DIS3L2: variants seen among roughly 807,000 people sequenced by gnomAD.
DIS3L2 encodes DIS3-like exonuclease 2.
DIS3L2 carries 34 observed loss-of-function variants against 97.5 expected under a neutral mutation model. That is an observed-to-expected ratio of 0.35 (90% CI 0.27 to 0.46). DIS3L2 has a LOEUF of 0.46. DIS3L2 is among the 20% of genes least tolerant of loss of function. The pLI, the probability that DIS3L2 is intolerant of heterozygous loss-of-function variation, is 1.00. For missense variants in DIS3L2, 1,038 were observed against 1,146.0 expected (o/e 0.91, Z 1.36); for synonymous variants, 435 against 445.2 (o/e 0.98, Z 0.29).
intron 1 of DIS3L2, among the ~76,000 whole-genome samples, chr2:231,999,202 T>C (rs1210760969): frequency 6.6e-6 from 1 of 152,208 alleles, no homozygotes; most frequent in Non-Finnish European, 1.5e-5. Context: ...GGATGCACTA[T>C]GCATAGTTTG....
intron 9 of DIS3L2, among the ~76,000 whole-genome samples, chr2:232,174,957 G>A (rs1277866700): frequency 6.6e-6 from 1 of 151,908 alleles, no homozygotes; most frequent in Non-Finnish European, 1.5e-5. Flanking sequence ...AGCCTCTTAC[G>A]TAGCTGGGAC....
intron 8 of DIS3L2, among the ~76,000 whole-genome samples, chr2:232,149,649 A>G (rs1385713595): frequency 5.7e-5 from 5 of 86,970 alleles, no homozygotes; most frequent in Admixed American, 1.3e-4. Context: ...TAGTGCCGCA[A>G]TAAACATACG....
intron 5 of DIS3L2, among the ~76,000 whole-genome samples, chr2:232,046,171 C>A (rs575772572): frequency 6.6e-6 from 1 of 152,188 alleles, no homozygotes; most frequent in East Asian, 1.9e-4. Context: ...AGTCTCAGGT[C>A]CTTTGGGATA....
chr2:232,092,132 C>G (rs562720820), intron 6 of DIS3L2, among the ~76,000 whole-genome samples: 1 of 152,278 alleles, frequency 6.6e-6, no homozygotes, highest in South Asian at 2.1e-4. Context: ...GTTTTCTCAG[C>G]ACCATTTATT....
intron 1 of DIS3L2, among the ~76,000 whole-genome samples, chr2:231,989,825 A>G (rs1693534707): frequency 6.6e-6 from 1 of 152,186 alleles, no homozygotes. Context: ...ACAGAGTGAC[A>G]TAATGAGATC....
chr2:232,000,184 G>A (rs1343734980), intron 1 of DIS3L2, among the ~76,000 whole-genome samples: 1 of 152,060 alleles, frequency 6.6e-6, no homozygotes, highest in Admixed American at 6.5e-5. Context: ...TTGTTGTTAT[G>A]CTGTATTTTT....
chr2:232,128,256 T>G (rs1698123078), intron 6 of DIS3L2, among the ~76,000 whole-genome samples: 1 of 151,986 alleles, frequency 6.6e-6, no homozygotes, highest in Non-Finnish European at 1.5e-5. Flanking sequence ...ATGCCCACCC[T>G]ATAATTTTAT....
At chr2:231,971,242 G>A (rs1346735207) in intron 1 of DIS3L2, among the ~76,000 whole-genome samples, 5 of 150,792 alleles carry the variant, frequency 3.3e-5, no homozygotes, top group African/African-American at 9.8e-5. Context: ...ATTGTGTGTT[G>A]TCGGGGTTTG....
chr2:232,008,067 T>C (rs1386844303), intron 1 of DIS3L2, among the ~76,000 whole-genome samples: 1 of 152,136 alleles, frequency 6.6e-6, no homozygotes, highest in Non-Finnish European at 1.5e-5. Context: ...AGTTCAGCGA[T>C]GTAATCACAG....
chr2:232,273,889 G>A (rs535982995), intron 13 of DIS3L2, among the ~76,000 whole-genome samples: 1 of 152,336 alleles, frequency 6.6e-6, no homozygotes, highest in East Asian at 1.9e-4. Context: ...CCATGATGGG[G>A]ATGAAAGCGA....
rs771957730 is a variant in DIS3L2, at chr2:232,029,992, A to G, written c.278A>G (p.Asp93Gly). 1.2e-6 allele frequency: 2 copies of G among 1,601,268 alleles called. No individual in the cohort carries two copies. Among genetic ancestry groups the G allele is most frequent in the South Asian group, 2.3e-5 (2 of 88,100 alleles). ...AFIPSPDGDR[D>G]IFIDGVVARN... ...TTTCCAACCTAGGATGGTGATCGAG[A>G]CATTTTTATTGATGGGGTTGTTGCT... The change falls in exon 5 of 21, where the codon GAC becomes GGC. Residue 93 changes from aspartate to glycine, a missense_variant. Asp to Gly is a moderately conservative substitution (Grantham distance 94). Around this residue, in one of 3 missense-constraint regions of DIS3L2, gnomAD observed 813 missense variants for 880.1 expected, o/e 0.92. Transcript: ENST00000325385.
rs1188791665 is a variant in DIS3L2, at chr2:232,037,632, G to A, written c.366+7552G>A. Among the ~76,000 whole-genome samples the A allele has an allele frequency of 6.6e-6, 1 of 152,210 alleles. No homozygotes were observed. Among genetic ancestry groups the A allele is most frequent in the East Asian group, 1.9e-4 (1 of 5,198 alleles). On this transcript the variant is annotated intron_variant, in intron 5 of 20. Coordinates refer to ENST00000325385, the MANE Select transcript of DIS3L2 (RefSeq NM_152383.5). The surrounding 1 kb of genome is among the most constrained non-coding windows in gnomAD (Gnocchi z 4.6). The stretch of plus-strand genomic sequence containing the variant: ...CGGTGTCTGCCCAAACGTCTGCCCA[G>A]TTTTGTACTTGAAACCCAGGGCCCT...
At position 232,087,504 on chromosome 2, in the gene DIS3L2, C is replaced by T; in HGVS notation, c.384C>T (p.Ser128=). ...TTCTTTAGGTAGTTAAACCAGAGAG[C>T]AATGACAAAGAAACAGAAGCTGCGT... ...EEHWKVVKPE[S]NDKETEAAYE... Residue 128 remains serine (S), a synonymous_variant, in exon 6 of 21, where the codon AGC becomes AGT. Transcript: ENST00000325385. 1 of 1,612,006 alleles carries T rather than the reference C, an allele frequency of 6.2e-7. No homozygotes were observed. Among genetic ancestry groups the T allele is most frequent in the South Asian group, 1.1e-5 (1 of 90,766 alleles).
intron 1 of DIS3L2, among the ~76,000 whole-genome samples, chr2:231,986,578 T>C (rs571365619): frequency 1.5e-4 from 23 of 152,234 alleles, no homozygotes; most frequent in African/African-American, 2.2e-4. Context: ...TTCTGTGACA[T>C]TGGCATTTTT....
chr2:232,226,878 A>G (rs1692663957), intron 10 of DIS3L2, among the ~76,000 whole-genome samples: 1 of 152,128 alleles, frequency 6.6e-6, no homozygotes, highest in South Asian at 2.1e-4. Context: ...CTGAAGTGGA[A>G]GGATCACTTG....
chr2:232,128,155 C>T (rs1698118774), intron 6 of DIS3L2, among the ~76,000 whole-genome samples: 1 of 151,952 alleles, frequency 6.6e-6, no homozygotes. Flanking sequence ...AGGGTTTTGC[C>T]ATGTTGCCCA....
In DIS3L2 at chr2:232,017,527, C is replaced by G. The variant is rs116692010; in HGVS notation, c.210+1856C>G. Among the ~76,000 whole-genome samples, 427 of 152,262 alleles carry G rather than the reference C, an allele frequency of 2.8e-3. 1 individual carries two copies. The highest frequency in any genetic ancestry group is 4.7e-3 in the Non-Finnish European group (317 of 68,018). On this transcript the variant is annotated intron_variant, in intron 3 of 20. Transcript: ENST00000325385. ...ATTCATTTGCTCTTCATTGTTCAGC[C>G]CATATCCCAAACACCATTTTATCTG...
intron 13 of DIS3L2, among the ~76,000 whole-genome samples, chr2:232,342,822 C>G (rs747673601): frequency 6.6e-5 from 10 of 152,320 alleles, no homozygotes; most frequent in African/African-American, 2.4e-4. Context: ...GGTGAGGGGC[C>G]AGTCCCTGGG....
intron 1 of DIS3L2, among the ~76,000 whole-genome samples, chr2:231,992,222 G>A (rs546413163): frequency 6.6e-6 from 1 of 152,324 alleles, no homozygotes; most frequent in East Asian, 1.9e-4. Flanking sequence ...GACAGTAGGG[G>A]AGAGGATATG....
Sources: gnomAD v4.1 joint callset for allele counts (sites outside exome capture counted in the v4.1 genomes callset) on GRCh38, gnomAD v4.1.1 for gene constraint, gnomAD v4.1.1 regional missense constraint, Gnocchi (gnomAD v3.1) non-coding constraint, MANE v1.5 for transcripts, NCBI Gene and HGNC (gene_info 2026-07-23, HGNC 2026-07-21) for gene names.